The following TMEM116 variants were observed in gnomAD, a reference collection of about 807,000 sequenced individuals.
TMEM116 encodes the protein transmembrane protein 116.
A neutral mutation model predicts 44.3 loss-of-function variants in TMEM116; 38 were observed. The ratio of observed to expected loss-of-function variants is 0.86; its 90% CI spans 0.66 to 1.12. The LOEUF is 1.12. Ranked by LOEUF, TMEM116 falls within the 50% of genes most tolerant of loss-of-function variation. The probability of loss-of-function intolerance (pLI) is 0.00; values close to 1 mark genes in which losing one functional copy is unlikely to be tolerated. For synonymous variants in TMEM116, 132 were observed against 144.8 expected, an observed-to-expected ratio of 0.91 and a Z score of 0.64; for missense variants, 354 against 401.7, an observed-to-expected ratio of 0.88 and a Z score of 1.01.
intron 1 of TMEM116, chr12:112,010,770 GGTCCTCTGGCA>G (rs2077801799): frequency 6.6e-6 from 1 of 152,268 alleles, no homozygotes; most frequent in Non-Finnish European, 1.5e-5. Context: ...CTGCCCTCTT[GGTCCTCTGGCA>G]GTCCTCTGCC....
At chr12:111,934,811 T>C (rs957231461) in intron 8 of TMEM116, 1 of 151,850 alleles carries the variant, frequency 6.6e-6, no homozygotes, top group Non-Finnish European at 1.5e-5. Context: ...GGAAAACAAA[T>C]TGCTTTTTCC....
intron 1 of TMEM116, chr12:112,012,329 T>A (rs1400454449): frequency 6.6e-6 from 1 of 152,084 alleles, no homozygotes; most frequent in Non-Finnish European, 1.5e-5. Flanking sequence ...CTCTGTCACC[T>A]AGGCTGAAGT....
intron 4 of TMEM116, among the ~76,000 whole-genome samples, chr12:111,949,661 T>C (rs985992444): frequency 6.6e-6 from 1 of 152,234 alleles, no homozygotes. Context: ...AAATCTGTAA[T>C]ACACCTGTTA....
chr12:111,943,547 G>T (rs968437201), intron 4 of TMEM116, among the ~76,000 whole-genome samples, 178 bp from the exon 5 acceptor site: 8 of 152,126 alleles, frequency 5.3e-5, no homozygotes, highest in Non-Finnish European at 1.0e-4. Context: ...TTTTGTGTGT[G>T]TATGTGACAG....
Position 111,994,875 on chromosome 12 carries a change from G to A in TMEM116, c.79-2986C>T, listed in dbSNP as rs369994311. ...AGAAAAGCCGTGGCAAGATAAGGGC[G>A]TTTATAACCCTATCTTATCCATATG... On this transcript the variant is annotated intron_variant, in intron 3 of 10. Coordinates refer to ENST00000552374, the MANE Select transcript of TMEM116 (RefSeq NM_001193531.2). Among the ~76,000 whole-genome samples the A allele has an allele frequency of 1.1e-4, 17 of 152,222 alleles. 2 individuals carry two copies. The highest frequency in any genetic ancestry group is 5.8e-4 in the East Asian group (3 of 5,182).
rs1267039455 is a variant in TMEM116, at chr12:111,937,261, T to C, written c.366-18A>G. 1 of 1,595,676 alleles carries C rather than the reference T, an allele frequency of 6.3e-7. No individual in the cohort carries two copies. Among genetic ancestry groups the C allele is most frequent in the East Asian group, 2.2e-5 (1 of 44,736 alleles). ...GTATCAGGCTGGGAGGGAAAAAAAG[T>C]ATCACCCTAATATCCACTCTTTTTC... On this transcript the variant is annotated intron_variant, in intron 6 of 10. Coordinates refer to ENST00000552374, the MANE Select transcript of TMEM116 (RefSeq NM_001193531.2).
chr12:111,964,247 T>C (rs2074824130), intron 4 of TMEM116, among the ~76,000 whole-genome samples: 1 of 151,900 alleles, frequency 6.6e-6, no homozygotes, highest in Non-Finnish European at 1.5e-5. Context: ...AAGACCATCC[T>C]GGCCAACATG....
At chr12:111,950,717 A>T (rs1391599510) in intron 4 of TMEM116, among the ~76,000 whole-genome samples, 1 of 152,192 alleles carries the variant, frequency 6.6e-6, no homozygotes, top group Non-Finnish European at 1.5e-5. Context: ...AAAACCCAAA[A>T]CTATAAAAAT....
At chr12:112,006,343 G>A (rs907276646) in intron 1 of TMEM116, among the ~76,000 whole-genome samples, 1 of 152,218 alleles carries the variant, frequency 6.6e-6, no homozygotes, top group Admixed American at 6.5e-5. Context: ...AGCTGCAATA[G>A]AGAAATGGAA....
intron 4 of TMEM116, among the ~76,000 whole-genome samples, chr12:111,944,910 C>CTT (rs1258881144): frequency 1.3e-5 from 2 of 151,988 alleles, no homozygotes; most frequent in East Asian, 3.9e-4. Flanking sequence ...CCTCACAAGG[C>CTT]TTAAAAGCAA....
chr12:111,957,717 A>T (rs1185524292), intron 4 of TMEM116, among the ~76,000 whole-genome samples: 1 of 144,072 alleles, frequency 6.9e-6, no homozygotes, highest in Admixed American at 6.8e-5. Flanking sequence ...TCTGCCTGGC[A>T]GCCCCGTCTG....
intron 4 of TMEM116, among the ~76,000 whole-genome samples, chr12:111,948,211 C>T (rs1316125384): frequency 6.6e-6 from 1 of 152,182 alleles, no homozygotes; most frequent in Non-Finnish European, 1.5e-5. Context: ...CCTCCCTGCT[C>T]AGCCACCTTG....
rs905619513 is a variant in TMEM116 at position 112,007,570 on chromosome 12, A to T, written c.-33-2267T>A. Among the ~76,000 whole-genome samples, 11 of 152,332 alleles carry T rather than the reference A, an allele frequency of 7.2e-5. No individual in the cohort carries two copies. The East Asian group carries it at 1.5e-3, about 21-fold the overall frequency. On this transcript the variant is annotated intron_variant, in intron 1 of 10. Coordinates refer to ENST00000552374, the MANE Select transcript of TMEM116 (RefSeq NM_001193531.2). ...AGGTAAATAAATAAAAATACCAGGA[A>T]ATTTCTAGATCAGAAATCCCCAGCA...
intron 4 of TMEM116, among the ~76,000 whole-genome samples, chr12:111,980,188 T>C (rs1408190749): frequency 6.6e-6 from 1 of 152,196 alleles, no homozygotes; most frequent in Admixed American, 6.6e-5. Flanking sequence ...AGATGTCCTA[T>C]AATGATGAAA....
At chr12:111,934,796 T>C (rs2072000246) in intron 8 of TMEM116, 1 of 152,110 alleles carries the variant, frequency 6.6e-6, no homozygotes, top group African/African-American at 2.4e-5. Context: ...TTCTTGCCTT[T>C]AGATGGAAAA....
chr12:111,954,876 C>T (rs2073971571), intron 4 of TMEM116, among the ~76,000 whole-genome samples: 1 of 152,156 alleles, frequency 6.6e-6, no homozygotes, highest in Admixed American at 6.5e-5. Context: ...TTTTCTGTAT[C>T]TTGTTTTTCC....
At chr12:112,000,704 T>G (rs1420357879) in intron 3 of TMEM116, 6 of 527,060 alleles carry the variant, frequency 1.1e-5, no homozygotes, top group Non-Finnish European at 2.3e-5. Context: ...TCTGCTAGCA[T>G]CTCTTCTGAG....
chr12:111,973,986 T>C (rs1399442111), intron 4 of TMEM116, among the ~76,000 whole-genome samples: 1 of 151,414 alleles, frequency 6.6e-6, no homozygotes, highest in African/African-American at 2.4e-5. Context: ...CTAAGTGGGG[T>C]TTATCTCAGG....
In TMEM116 at chr12:111,955,248, G is replaced by A. The variant is rs1212567894; in HGVS notation, c.211-11879C>T. Among the ~76,000 whole-genome samples the A allele has an allele frequency of 3.9e-5, 6 of 152,156 alleles. No individual in the cohort carries two copies. In the East Asian group the frequency reaches 1.2e-3, roughly 29 times the overall value. On this transcript the variant is annotated intron_variant, in intron 4 of 10. Transcript: ENST00000552374. The stretch of plus-strand genomic sequence containing the variant: ...ACAGTACCCTCCTTGGTGTCTGTGG[G>A]TGGCCCAGTCCCGTAGCCCACTCTT...
Sources: allele counts gnomAD v4.1 joint callset (sites outside exome capture counted in the v4.1 genomes callset), GRCh38; gene constraint gnomAD v4.1.1; transcripts MANE v1.5; gene names NCBI Gene and HGNC (gene_info 2026-07-23, HGNC 2026-07-21).